Variants in ZNF804A observed in about 807,000 individuals in gnomAD.
The protein encoded by ZNF804A is zinc finger protein 804A.
In ZNF804A, 2 loss-of-function variants were observed where a neutral mutation model predicts 16.5. The ratio of observed to expected loss-of-function variants is 0.12; its 90% CI spans 0.05 to 0.38. The LOEUF (loss-of-function observed/expected upper bound fraction) is 0.38. Ranked by LOEUF, ZNF804A falls within the 10% of genes least tolerant of loss-of-function variation. The pLI is 0.99. For missense variants in ZNF804A, 1,473 were observed against 1,390.7 expected (o/e 1.06, Z -0.94); for synonymous variants, 534 against 489.6 (o/e 1.09, Z -1.20).
intron 1 of ZNF804A, among the ~76,000 whole-genome samples, chr2:184,708,435 G>T (rs193248456): frequency 5.3e-4 from 81 of 152,078 alleles, no homozygotes; most frequent in Non-Finnish European, 1.0e-3. Context: ...GCTTGGTACT[G>T]GCAGAAAAAG....
intron 1 of ZNF804A, among the ~76,000 whole-genome samples, chr2:184,750,428 T>A (rs1693861404): frequency 6.6e-6 from 1 of 151,378 alleles, no homozygotes; most frequent in African/African-American, 2.4e-5. Context: ...TCATAATGAA[T>A]TGCCATTGGA....
intron 2 of ZNF804A, among the ~76,000 whole-genome samples, chr2:184,874,934 G>A (rs1696030109): frequency 6.6e-6 from 1 of 152,066 alleles, no homozygotes; most frequent in Non-Finnish European, 1.5e-5. Flanking sequence ...AATTATTATT[G>A]TAAAAACATA....
Position 184,937,744 on chromosome 2 carries a change from A to G in ZNF804A, c.2348A>G (p.Glu783Gly). The change falls in exon 4 of 4, where the codon GAA (glutamate) becomes GGA (glycine). Residue 783 changes from glutamate (E) to glycine (G), a missense_variant. Coordinates refer to ENST00000302277, the MANE Select transcript of ZNF804A (RefSeq NM_194250.2). ...CATTCACATTCTTATTCTTCAGATG[A>G]AAGTTTAAATCGACAGAATCATTTA... Reference protein sequence around the residue: ...RQHSHSYSSDESLNRQNHLPE... With the variant: ...RQHSHSYSSDGSLNRQNHLPE... The G allele has an allele frequency of 6.2e-7, 1 of 1,614,054 alleles. No homozygotes were observed. Among genetic ancestry groups the G allele is most frequent in the Non-Finnish European group, 8.5e-7 (1 of 1,179,978 alleles).
intron 1 of ZNF804A, among the ~76,000 whole-genome samples, chr2:184,664,300 AG>A (rs1322154401): frequency 2.6e-5 from 4 of 152,300 alleles, no homozygotes; most frequent in African/African-American, 9.6e-5. Flanking sequence ...GGAACTATAA[AG>A]GATTGAATTA....
At position 184,936,972 on chromosome 2, in the gene ZNF804A, C is replaced by G; in HGVS notation, c.1576C>G (p.Leu526Val). Residue 526 changes from leucine (L) to valine (V), a missense_variant, in exon 4 of 4, where the codon CTT becomes GTT. Transcript: ENST00000302277. ...AAATAAATGCAGCCAAGTCACTCCT[C>G]TTTTGGCTGATGATATTCTCTCCAG... ...SKNKCSQVTP[L>V]LADDILSSSC... The G allele has an allele frequency of 6.2e-7, 1 of 1,613,916 alleles. No homozygotes were observed. Among genetic ancestry groups the G allele is most frequent in the Non-Finnish European group, 8.5e-7 (1 of 1,179,936 alleles).
chr2:184,656,290 G>C (rs529027554), intron 1 of ZNF804A, among the ~76,000 whole-genome samples: 5 of 152,032 alleles, frequency 3.3e-5, no homozygotes, highest in Non-Finnish European at 4.4e-5. Flanking sequence ...ACGCAATATT[G>C]CTATTTCATT....
At chr2:184,912,253 C>T (rs752376176) in intron 2 of ZNF804A, among the ~76,000 whole-genome samples, 6 of 151,906 alleles carry the variant, frequency 3.9e-5, no homozygotes, top group Non-Finnish European at 5.9e-5. Context: ...CAGTATATGA[C>T]CTTTTGTGTC....
chr2:184,935,782 G>A lies in ZNF804A; in HGVS notation c.387-1G>A. Reference sequence around the variant, plus strand: ...ACACATGCTTCTGTTTCTCTCTCTAGTGCTCCTGGAAGTGGCCCCATGTTC... The same window carrying A: ...ACACATGCTTCTGTTTCTCTCTCTAATGCTCCTGGAAGTGGCCCCATGTTC... On this transcript the variant is annotated splice_acceptor_variant, in intron 3 of 3. Coordinates refer to ENST00000302277, the MANE Select transcript of ZNF804A (RefSeq NM_194250.2). LOFTEE classifies it high-confidence loss of function. The A allele has an allele frequency of 6.3e-7, 1 of 1,592,956 alleles. No homozygotes were observed. The highest frequency in any genetic ancestry group is 1.1e-5 in the South Asian group (1 of 87,634).
chr2:184,867,986 C>T (rs538125218), intron 2 of ZNF804A, among the ~76,000 whole-genome samples: 6 of 152,160 alleles, frequency 3.9e-5, no homozygotes, highest in Admixed American at 3.9e-4. Context: ...ATATGGCTGT[C>T]TTGAAGATAA....
intron 1 of ZNF804A, among the ~76,000 whole-genome samples, chr2:184,731,577 T>C (rs1693521811): frequency 6.9e-6 from 1 of 145,932 alleles, no homozygotes; most frequent in African/African-American, 2.6e-5. Context: ...TTTTTTTTTT[T>C]TTTTTTTTTT....
chr2:184,664,785 A>G (rs1410530699), intron 1 of ZNF804A, among the ~76,000 whole-genome samples: 3 of 152,140 alleles, frequency 2.0e-5, no homozygotes, highest in Admixed American at 1.3e-4. Context: ...TGGCTGTTTT[A>G]TCATACAACA....
intron 1 of ZNF804A, among the ~76,000 whole-genome samples, chr2:184,619,332 GT>G (rs914600460): frequency 7.4e-4 from 112 of 151,800 alleles, no homozygotes; most frequent in Middle Eastern, 6.9e-3. Context: ...ATTTTTGTGT[GT>G]TTTTTTAAGG....
intron 1 of ZNF804A, among the ~76,000 whole-genome samples, chr2:184,689,100 A>G (rs1692689322): frequency 6.6e-6 from 1 of 152,138 alleles, no homozygotes; most frequent in South Asian, 2.1e-4. Context: ...GACACCCACT[A>G]GGTTCTGTGT....
chr2:184,735,038 A>C (rs1239919666), intron 1 of ZNF804A, among the ~76,000 whole-genome samples: 1 of 152,160 alleles, frequency 6.6e-6, no homozygotes, highest in African/African-American at 2.4e-5. Flanking sequence ...CACTTTAATC[A>C]ATACAGGTCT....
At position 184,785,149 on chromosome 2, in the gene ZNF804A, T is replaced by C. The variant is rs185232291; in HGVS notation, c.112-81220T>C. 7.6e-3 allele frequency among the ~76,000 whole-genome samples: 1,161 copies of C among 152,032 alleles called. 17 individuals carry two copies. The highest frequency in any genetic ancestry group is 0.027 in the African/African-American group (1,104 of 41,512). ...GGTTTCCATCCCAGTGAAGAAAAACTCCCAGGTATCTACAAATGGCCTACC... is the reference window on the plus strand; with the variant it reads ...GGTTTCCATCCCAGTGAAGAAAAACCCCCAGGTATCTACAAATGGCCTACC... On this transcript the variant is annotated intron_variant, in intron 1 of 3. Coordinates refer to ENST00000302277, the MANE Select transcript of ZNF804A (RefSeq NM_194250.2).
chr2:184,820,613 G>A (rs1324655867), intron 1 of ZNF804A, among the ~76,000 whole-genome samples: 3 of 152,048 alleles, frequency 2.0e-5, no homozygotes, highest in Non-Finnish European at 4.4e-5. Flanking sequence ...AATAGGGAGA[G>A]AGGAAGTCAA....
chr2:184,846,149 T>C (rs897893589), intron 1 of ZNF804A, among the ~76,000 whole-genome samples: 3 of 152,128 alleles, frequency 2.0e-5, no homozygotes, highest in African/African-American at 7.2e-5. Context: ...CTACTCTCTC[T>C]CACTTTGTAC....
intron 1 of ZNF804A, among the ~76,000 whole-genome samples, chr2:184,723,477 ATAG>A (rs1454545774): frequency 6.6e-6 from 1 of 151,786 alleles, no homozygotes; most frequent in Non-Finnish European, 1.5e-5. Flanking sequence ...TGCATACATC[ATAG>A]AAGTTACTTT....
intron 2 of ZNF804A, among the ~76,000 whole-genome samples, chr2:184,888,177 A>G (rs1314948490): frequency 6.6e-6 from 1 of 152,234 alleles, no homozygotes; most frequent in Non-Finnish European, 1.5e-5. Context: ...ATAATTCTGC[A>G]TAGAATTTAC....
Sources: gnomAD v4.1 joint callset for allele counts (sites outside exome capture counted in the v4.1 genomes callset) on GRCh38, gnomAD v4.1.1 for gene constraint, MANE v1.5 for transcripts, NCBI Gene and HGNC (gene_info 2026-07-23, HGNC 2026-07-21) for gene names.